Variants in SMPD3 observed in about 807,000 individuals in gnomAD.
The protein encoded by SMPD3 is sphingomyelin phosphodiesterase 3.
A neutral mutation model predicts 55.7 loss-of-function variants in SMPD3; 21 were observed. The ratio of observed to expected loss-of-function variants is 0.38; its 90% confidence interval spans 0.27 to 0.54. SMPD3 has a LOEUF of 0.54. SMPD3 is among the 20% of genes least tolerant of loss of function. SMPD3 has a pLI of 0.80. For missense variants in SMPD3, 842 were observed against 899.6 expected, an observed-to-expected ratio of 0.94 and a Z score of 0.82; for synonymous variants, 457 against 404.3, an observed-to-expected ratio of 1.13 and a Z score of -1.56.
In SMPD3 at chr16:68,359,278, C is replaced by A. The variant is rs1597567749; in HGVS notation, c.*1928G>T. The A allele has an allele frequency of 6.6e-6, 1 of 152,548 alleles. No homozygotes were observed. 9.4% of individuals were successfully genotyped at this position (152,548 alleles called of 1,614,324 possible). A position where few individuals can be genotyped will look rare whatever the true frequency, so the allele number is the denominator to read the frequency against. On this transcript the variant is annotated 3_prime_UTR_variant, in exon 9 of 9. Coordinates refer to ENST00000219334, the MANE Select transcript of SMPD3 (RefSeq NM_018667.4). ...GCTGCTTCTGGAAGTTGGGGGCCTC[C>A]ACATCATGAATCCCAGTCAAGGCTC...
intron 1 of SMPD3, among the ~76,000 whole-genome samples, chr16:68,421,882 C>G (rs573234679): frequency 6.6e-6 from 1 of 152,328 alleles, no homozygotes; most frequent in Admixed American, 6.5e-5. Flanking sequence ...GAATATGCTA[C>G]TCTATGTGGC....
Position 68,370,985 on chromosome 16 carries a change from G to T in SMPD3, c.1197C>A (p.Ser399Arg). 2.5e-6 allele frequency: 4 copies of T among 1,614,060 alleles called. No individual in the cohort carries two copies. The highest frequency in any genetic ancestry group is 3.4e-6 in the Non-Finnish European group (4 of 1,180,036). Residue 399 changes from serine to arginine, a missense_variant, in exon 3 of 9, where the codon AGC becomes AGA. By Grantham distance (110) the Ser-to-Arg change is moderately radical. Around this residue, in one of 2 missense-constraint regions of SMPD3, gnomAD observed 649 missense variants for 643.6 expected, o/e 1.01. Transcript: ENST00000219334. ...VGVYGCQGCCSFKCLNSGLLF... is the reference protein window; with the variant it reads ...VGVYGCQGCCRFKCLNSGLLF... Reference sequence around the variant, plus strand: ...GGAGGCCGCTGTTGAGACACTTGAAGCTGCAGCAGCCCTGGCAGCCGTAGA... The same window carrying T: ...GGAGGCCGCTGTTGAGACACTTGAATCTGCAGCAGCCCTGGCAGCCGTAGA...
At chr16:68,362,716 A>C (rs989407831) in intron 7 of SMPD3, among the ~76,000 whole-genome samples, 1 of 152,244 alleles carries the variant, frequency 6.6e-6, no homozygotes, top group African/African-American at 2.4e-5. Context: ...TACACTAATG[A>C]CATTCAGGAC....
chr16:68,446,464 AAAT>A (rs2090610394), intron 1 of SMPD3, among the ~76,000 whole-genome samples: 1 of 103,752 alleles, frequency 9.6e-6, no homozygotes, highest in Non-Finnish European at 2.2e-5. Flanking sequence ...GCCCATCAGT[AAAT>A]GAGTAAGTGG....
rs926837094 is a variant in SMPD3, at chr16:68,448,483, T to G, written c.-399A>C. The G allele has an allele frequency of 1.3e-5, 2 of 151,740 alleles. No homozygotes were observed. The highest frequency in any genetic ancestry group is 4.9e-5 in the African/African-American group (2 of 41,110). The allele number at this position is 151,740 out of a possible 1,614,324, so 9.4% of individuals were successfully genotyped here. On this transcript the variant is annotated 5_prime_UTR_variant, in exon 1 of 9. Coordinates refer to ENST00000219334, the MANE Select transcript of SMPD3 (RefSeq NM_018667.4). ...GGCGGCGGCTCTCGCGGCTCTCGGGTCCGGAGCCTCCCTCAGACTCAGCAC... is the reference window on the plus strand; with the variant it reads ...GGCGGCGGCTCTCGCGGCTCTCGGGGCCGGAGCCTCCCTCAGACTCAGCAC...
chr16:68,421,454 G>C (rs1022938953), intron 1 of SMPD3, among the ~76,000 whole-genome samples: 3 of 152,234 alleles, frequency 2.0e-5, no homozygotes, highest in Non-Finnish European at 2.9e-5. Context: ...GGTATGTGGG[G>C]TGGGGGATGA....
At chr16:68,416,010 T>A (rs2090336161) in intron 1 of SMPD3, among the ~76,000 whole-genome samples, 1 of 151,836 alleles carries the variant, frequency 6.6e-6, no homozygotes, top group African/African-American at 2.4e-5. Flanking sequence ...ATTTAAAGAG[T>A]TCATCACATC....
intron 2 of SMPD3, among the ~76,000 whole-genome samples, chr16:68,379,993 G>A (rs1038252376): frequency 6.6e-6 from 1 of 152,286 alleles, no homozygotes; most frequent in Admixed American, 6.5e-5. Context: ...CTTGTGCCAC[G>A]GTGACATGGG....
chr16:68,424,360 G>A (rs1218009192), intron 1 of SMPD3, among the ~76,000 whole-genome samples: 4 of 152,016 alleles, frequency 2.6e-5, no homozygotes, highest in African/African-American at 9.7e-5. Flanking sequence ...GGGGCCGTAG[G>A]GGGAATAAGC....
rs149648363 is a variant in SMPD3 at position 68,427,088 on chromosome 16, C to T, written c.-269+21265G>A. ...CTCGGCTCACTGCAACCTCCACCTC[C>T]GGGGTTCGAGCGGTTCTCCTGCCTT... is the stretch of plus-strand genomic sequence containing the variant. On this transcript the variant is annotated intron_variant, in intron 1 of 8. Coordinates refer to ENST00000219334, the MANE Select transcript of SMPD3 (RefSeq NM_018667.4). 4.9e-3 allele frequency among the ~76,000 whole-genome samples: 721 copies of T among 148,328 alleles called. 4 individuals are homozygous for T. Among genetic ancestry groups the T allele is most frequent in the African/African-American group, 0.016 (647 of 40,108 alleles).
intron 1 of SMPD3, among the ~76,000 whole-genome samples, chr16:68,402,896 G>T (rs1314470949): frequency 6.6e-6 from 1 of 152,246 alleles, no homozygotes. Flanking sequence ...CCAGGAAGAC[G>T]CTGAGAAGGG....
In SMPD3 at chr16:68,359,897, GACC is replaced by G. The variant is rs10608999; in HGVS notation, c.*1306_*1308del. On this transcript the variant is annotated 3_prime_UTR_variant, in exon 9 of 9. Transcript: ENST00000219334. ...ATCTTGGGGCTGGAGGCAGATCGGG[GACC>G]ACAAGCTGTTGGCCAGCTCTGCCAT... The G allele has an allele frequency of 0.56, 85,103 of 152,366 alleles. 24,163 individuals are homozygous for G. Among genetic ancestry groups the G allele is most frequent in the East Asian group, 0.78 (4,120 of 5,280 alleles). 9.4% of individuals were successfully genotyped at this position (152,366 alleles called of 1,614,324 possible). A position where few individuals can be genotyped will look rare whatever the true frequency, so the allele number is the denominator to read the frequency against.
rs144724964 is a variant in SMPD3 at position 68,391,923 on chromosome 16, A to G, written c.-268-5264T>C. On this transcript the variant is annotated intron_variant, in intron 1 of 8. Transcript: ENST00000219334. ...TTTTTCTTTTTTGAGACAAAGTCTC[A>G]CTCTGTTACCCATACTGGAGTGCAG... Among the ~76,000 whole-genome samples, 3 of 152,208 alleles carry G rather than the reference A, an allele frequency of 2.0e-5. No individual in the cohort carries two copies. The East Asian group carries it at 5.8e-4, about 29-fold the overall frequency.
intron 3 of SMPD3, among the ~76,000 whole-genome samples, chr16:68,366,304 A>G (rs1221818847): frequency 6.6e-6 from 1 of 151,978 alleles, no homozygotes; most frequent in Non-Finnish European, 1.5e-5. Context: ...TATCTCCTCC[A>G]TCTGGACGTC....
At chr16:68,409,675 G>A (rs2090283064) in intron 1 of SMPD3, among the ~76,000 whole-genome samples, 1 of 152,060 alleles carries the variant, frequency 6.6e-6, no homozygotes, top group Non-Finnish European at 1.5e-5. Context: ...CTCTCTACAA[G>A]CTCCGCCTCC....
At chr16:68,407,826 C>T (rs1417002330) in intron 1 of SMPD3, among the ~76,000 whole-genome samples, 4 of 152,116 alleles carry the variant, frequency 2.6e-5, no homozygotes, top group South Asian at 2.1e-4. Context: ...TATTGTAATA[C>T]GTGTTTGCCT....
At chr16:68,412,014 AG>A (rs2090305586) in intron 1 of SMPD3, among the ~76,000 whole-genome samples, 1 of 152,046 alleles carries the variant, frequency 6.6e-6, no homozygotes, top group South Asian at 2.1e-4. Context: ...AACAGAAATG[AG>A]GGCATGGGGG....
chr16:68,428,564 C>T (rs879780464), intron 1 of SMPD3, among the ~76,000 whole-genome samples: 6 of 152,170 alleles, frequency 3.9e-5, no homozygotes, highest in Non-Finnish European at 8.8e-5. Flanking sequence ...TGAGTCTGGA[C>T]TTCAAAACGT....
chr16:68,445,808 C>G (rs2090604991), intron 1 of SMPD3, among the ~76,000 whole-genome samples: 1 of 152,170 alleles, frequency 6.6e-6, no homozygotes, highest in Non-Finnish European at 1.5e-5. Flanking sequence ...TGAAGATTAT[C>G]TCAAAGCTGC....
Sources: gnomAD v4.1 joint callset for allele counts (sites outside exome capture counted in the v4.1 genomes callset) on GRCh38, gnomAD v4.1.1 for gene constraint, gnomAD v4.1.1 regional missense constraint, MANE v1.5 for transcripts, NCBI Gene and HGNC (gene_info 2026-07-23, HGNC 2026-07-21) for gene names.